The following FYCO1 variants were observed in gnomAD, a reference collection of about 807,000 sequenced individuals.
FYCO1 encodes the protein FYVE and coiled-coil domain-containing protein 1.
A neutral mutation model predicts 165.1 loss-of-function variants in FYCO1; 122 were observed. The observed-to-expected ratio is 0.74, with a 90% CI of 0.64 to 0.86. FYCO1 has a LOEUF of 0.86. Among genes scored for constraint, FYCO1 ranks in the 40% least tolerant of loss-of-function variants. The probability of loss-of-function intolerance (pLI) is 0.00; values close to 1 mark genes in which losing one functional copy is unlikely to be tolerated. For missense variants in FYCO1, 1,702 were observed against 1,810.3 expected, an observed-to-expected ratio of 0.94 and a Z score of 1.09; for synonymous variants, 648 against 742.5, an observed-to-expected ratio of 0.87 and a Z score of 2.07.
chr3:45,985,207 C>A lies in FYCO1; in HGVS notation c.-112-185G>T, dbSNP rs13086858. ...TCTCTGGTTTGTTTCTGACACACTTCTATTCAGACACAGTGACCTGGTTTG... is the reference window on the plus strand; with the variant it reads ...TCTCTGGTTTGTTTCTGACACACTTATATTCAGACACAGTGACCTGGTTTG... On this transcript the variant is annotated intron_variant, in intron 1 of 17. Transcript: ENST00000296137. 0.58 allele frequency among the ~76,000 whole-genome samples: 88,524 copies of A among 152,092 alleles called. 28,280 individuals carry two copies. Among genetic ancestry groups the A allele is most frequent in the East Asian group, 0.99 (5,141 of 5,178 alleles).
chr3:45,945,639 A>G (rs1704544296), intron 14 of FYCO1: 9 of 152,168 alleles, frequency 5.9e-5, no homozygotes. Context: ...GGGGAAATCT[A>G]CCTTTTAAGA....
intron 4 of FYCO1, 33 bp downstream of exon 4, chr3:45,979,672 G>T: frequency 6.2e-7 from 1 of 1,612,452 alleles, no homozygotes; most frequent in South Asian, 1.1e-5. Context: ...GCAAAAGGAC[G>T]ACATGAAGTT....
rs1471800630 is a variant in FYCO1, at chr3:45,956,193, A to G, written c.3800-800T>C. On this transcript the variant is annotated intron_variant, in intron 13 of 17. Transcript: ENST00000296137. Reference sequence around the variant, plus strand: ...TCTAATAAAAATATAAAAATTAGCCAGGTGTGGTGGCGGGCACCTGTAATC... The same window carrying G: ...TCTAATAAAAATATAAAAATTAGCCGGGTGTGGTGGCGGGCACCTGTAATC... Among the ~76,000 whole-genome samples the G allele has an allele frequency of 1.1e-4, 16 of 152,012 alleles. 1 individual carries two copies. The highest frequency in any genetic ancestry group is 9.8e-4 in the Admixed American group (15 of 15,252).
intron 14 of FYCO1, among the ~76,000 whole-genome samples, chr3:45,942,162 G>A (rs3774639): frequency 0.34 from 51,533 of 152,114 alleles, 10,589 homozygotes; most frequent in East Asian, 0.66. Context: ...TTTTATCAGG[G>A]CCCCCTGGCA....
Position 45,964,619 on chromosome 3 carries a change from G to C in FYCO1, c.3151-165C>G. On this transcript the variant is annotated intron_variant, in intron 9 of 17. Transcript: ENST00000296137. This position sits in a 1 kb window ranked among gnomAD's most constrained non-coding sequence, Gnocchi z 4.1. ...CATGAACCTCTGCTCTATATTTGTG[G>C]GGCCTCAACTGCAACTAGTTGTGGT... 1.1e-6 allele frequency: 1 copy of C among 903,538 alleles called. No individual in the cohort carries two copies. The allele number at this position is 903,538 out of a possible 1,614,324, so 56.0% of individuals were successfully genotyped here.
chr3:45,972,995 C>T, intron 6 of FYCO1, 93 bp downstream of exon 6: 1 of 1,370,760 alleles, frequency 7.3e-7, no homozygotes, highest in South Asian at 1.2e-5. Context: ...ATTTACTGAG[C>T]AAGCAAAATT....
At chr3:45,945,861 AG>A (rs1461720165) in intron 14 of FYCO1, 1 of 152,282 alleles carries the variant, frequency 6.6e-6, no homozygotes, top group Non-Finnish European at 1.5e-5. Flanking sequence ...TATGCAATTG[AG>A]GGGAAGTAAA....
At chr3:45,981,067 C>T (rs1707026634) in intron 3 of FYCO1, among the ~76,000 whole-genome samples, 2 of 152,180 alleles carry the variant, frequency 1.3e-5, no homozygotes, top group South Asian at 2.1e-4. Flanking sequence ...TACAAATAAG[C>T]TCCCAGAGGA....
At position 45,936,480 on chromosome 3, in the gene FYCO1, C is replaced by T. The variant is rs536794812; in HGVS notation, c.4008G>A (p.Ser1336=). The T allele has an allele frequency of 4.1e-5, 66 of 1,613,998 alleles. 1 individual carries two copies. In the East Asian group the frequency reaches 5.3e-4, roughly 13 times the overall value. Residue 1336 remains serine, a synonymous_variant, in exon 15 of 18, where the codon TCG becomes TCA. Transcript: ENST00000296137. ...DTEDMPVGQD[S]EICLLKSGEL... is the part of the protein sequence containing the mutation. ...CTCCAGACTTCAGCAGGCAGATTTC[C>T]GAATCCTGCCCCACGGGCATGTCTT...
rs188114046 is a variant in FYCO1 at position 45,994,433 on chromosome 3, T to C, written c.-113+1289A>G. 1.4e-3 allele frequency among the ~76,000 whole-genome samples: 211 copies of C among 152,256 alleles called. 1 individual carries two copies. The highest frequency in any genetic ancestry group is 0.01 in the Middle Eastern group (3 of 294). ...GAGCCTTTAGGAGAGATCCTATTAA[T>C]CAAAGGAGGCTGAGATCCATCACTG... is the stretch of plus-strand genomic sequence containing the variant. On this transcript the variant is annotated intron_variant, in intron 1 of 17. Coordinates refer to ENST00000296137, the MANE Select transcript of FYCO1 (RefSeq NM_024513.4).
intron 16 of FYCO1, among the ~76,000 whole-genome samples, chr3:45,925,540 AGTT>A (rs1703285438): frequency 6.6e-6 from 1 of 152,272 alleles, no homozygotes; most frequent in Non-Finnish European, 1.5e-5. Flanking sequence ...AATCCAAAAT[AGTT>A]GTTAATATAA....
intron 2 of FYCO1, among the ~76,000 whole-genome samples, chr3:45,983,371 G>A (rs1038045300): frequency 3.3e-5 from 5 of 152,202 alleles, no homozygotes; most frequent in African/African-American, 1.2e-4. Context: ...AGATTTGTAT[G>A]CTTATTAAGA....
In FYCO1 at chr3:45,964,453, G is replaced by C; in HGVS notation, c.3152C>G (p.Ala1051Gly). 6.2e-7 allele frequency: 1 copy of C among 1,613,800 alleles called. No homozygotes were observed. The highest frequency in any genetic ancestry group is 8.5e-7 in the Non-Finnish European group (1 of 1,179,728). Residue 1051 changes from alanine to glycine, a missense_variant and splice_region_variant, in exon 10 of 18, where the codon GCC (alanine) becomes GGC (glycine). By Grantham distance (60) the Ala-to-Gly change is moderately conservative. Transcript: ENST00000296137. The surrounding 1 kb of genome is among the most constrained non-coding windows in gnomAD (Gnocchi z 4.1). ...AAEEAVEKLK[A>G]TQADMGEKLS... is the part of the protein sequence containing the mutation. Reference sequence around the variant, plus strand: ...CTTCTCTCCCATGTCTGCTTGGGTGGCCTGGCACAGGACGTCAGGGAGAAG... The same window carrying C: ...CTTCTCTCCCATGTCTGCTTGGGTGCCCTGGCACAGGACGTCAGGGAGAAG...
rs970645415 is a variant in FYCO1, at chr3:45,918,484, T to G, written c.*3281A>C. 7.0e-6 allele frequency: 1 copy of G among 143,640 alleles called. No individual in the cohort carries two copies. Among genetic ancestry groups the G allele is most frequent in the African/African-American group, 2.9e-5 (1 of 34,914 alleles). The allele number at this position is 143,640 out of a possible 1,614,324, so 8.9% of individuals were successfully genotyped here. A position where few individuals can be genotyped will look rare whatever the true frequency, so the allele number is the denominator to read the frequency against. ...ACATGACCATCCTTGGTTCTAAGCA[T>G]CACGAATGGCTTCTCTCTGCTTTAA... On this transcript the variant is annotated 3_prime_UTR_variant, in exon 18 of 18. Coordinates refer to ENST00000296137, the MANE Select transcript of FYCO1 (RefSeq NM_024513.4).
chr3:45,979,980 G>A, intron 3 of FYCO1, 150 bp from the exon 4 acceptor site: 1 of 964,334 alleles, frequency 1.0e-6, no homozygotes, highest in Non-Finnish European at 1.6e-6. Context: ...GCAAATCAAG[G>A]TGTGTTAATA....
Position 45,921,441 on chromosome 3 carries a change from G to C in FYCO1, c.*324C>G, listed in dbSNP as rs1294247327. ...CCTGCCCGTGAAACTCTCCACAAGA[G>C]GCCTGTAGCCAACTGTGCTCCCAGG... On this transcript the variant is annotated 3_prime_UTR_variant, in exon 18 of 18. Transcript: ENST00000296137. 1.3e-5 allele frequency: 5 copies of C among 380,034 alleles called. No homozygotes were observed. The highest frequency in any genetic ancestry group is 2.5e-5 in the Non-Finnish European group (5 of 197,364). The allele number at this position is 380,034 out of a possible 1,614,324, so 23.5% of individuals were successfully genotyped here.
chr3:45,955,849 G>A (rs945145756), intron 13 of FYCO1, among the ~76,000 whole-genome samples: 1 of 152,196 alleles, frequency 6.6e-6, no homozygotes, highest in Non-Finnish European at 1.5e-5. Context: ...TTAATCCACT[G>A]ATGCGTGGGA....
Position 45,967,605 on chromosome 3 carries a change from C to T in FYCO1, c.1729G>A (p.Val577Met), listed in dbSNP as rs771476375. The stretch of plus-strand genomic sequence containing the variant: ...CAGGCCTCTTGCAGACTGGAGTTCA[C>T]AGGGACCAGGGCCTCATTCTTCTCA... ...AGEKNEALVP[V>M]NSSLQEAWGK... The change falls in exon 8 of 18, where the codon GTG (valine) becomes ATG (methionine). Residue 577 changes from valine (V) to methionine (M), a missense_variant. By Grantham distance (21) the Val-to-Met change is conservative. Coordinates refer to ENST00000296137, the MANE Select transcript of FYCO1 (RefSeq NM_024513.4). 3.7e-6 allele frequency: 6 copies of T among 1,613,996 alleles called. No homozygotes were observed. In the East Asian group the frequency reaches 1.3e-4, roughly 36 times the overall value.
intron 14 of FYCO1, among the ~76,000 whole-genome samples, chr3:45,939,119 G>T (rs948800908): frequency 6.6e-6 from 1 of 152,164 alleles, no homozygotes. Flanking sequence ...CTTTCCTTCC[G>T]AGTTTCTGTC....
Sources: gnomAD v4.1 joint callset for allele counts (sites outside exome capture counted in the v4.1 genomes callset) on GRCh38, gnomAD v4.1.1 for gene constraint, Gnocchi (gnomAD v3.1) non-coding constraint, MANE v1.5 for transcripts, NCBI Gene and HGNC (gene_info 2026-07-23, HGNC 2026-07-21) for gene names.